LIPN: variants seen among roughly 807,000 people sequenced by gnomAD.
The protein encoded by LIPN is lipase family member N.
LIPN carries 32 observed loss-of-function variants against 43.7 expected under a neutral mutation model. That is an observed-to-expected ratio of 0.73 (90% CI 0.55 to 0.98). The LOEUF is 0.98. Ranked by LOEUF, LIPN falls within the 50% of genes least tolerant of loss-of-function variation. The probability of loss-of-function intolerance (pLI) is 0.00; values close to 1 mark genes in which losing one functional copy is unlikely to be tolerated. For synonymous variants in LIPN, 156 were observed against 157.6 expected (o/e 0.99, Z 0.08); for missense variants, 505 against 483.8 (o/e 1.04, Z -0.41).
intron 7 of LIPN, 33 bp from the exon 8 acceptor site, chr10:88,774,440 C>T: frequency 6.6e-7 from 1 of 1,506,872 alleles, no homozygotes; most frequent in South Asian, 1.2e-5. Context: ...TTTTGTTGGG[C>T]AATTGCTGTA....
chr10:88,766,330 G>A lies in LIPN; in HGVS notation c.487G>A (p.Gly163Ser), dbSNP rs755721438. ...AATAGACTTCATTGTAAATAAAACT[G>A]GTCAGGAGAAATTGTATTTCATTGG... ...GVIDFIVNKT[G>S]QEKLYFIGHS... The change falls in exon 5 of 10, where the codon GGT becomes AGT. Residue 163 changes from glycine to serine, a missense_variant. Transcript: ENST00000404459. 6.2e-7 allele frequency: 1 copy of A among 1,609,890 alleles called. No individual in the cohort carries two copies. Among genetic ancestry groups the A allele is most frequent in the Non-Finnish European group, 8.5e-7 (1 of 1,177,134 alleles).
upstream of LIPN, among the ~76,000 whole-genome samples, chr10:88,758,221 T>A (rs1224185626): frequency 6.6e-6 from 1 of 152,098 alleles, no homozygotes; most frequent in African/African-American, 2.4e-5. Context: ...CCATGTGTGT[T>A]CCACCATCTT....
At chr10:88,758,305 A>G (rs1842951390), upstream of LIPN, among the ~76,000 whole-genome samples, 1 of 151,720 alleles carries the variant, frequency 6.6e-6, no homozygotes, top group Non-Finnish European at 1.5e-5. Context: ...AGATTTCAAA[A>G]ATACCACAGG....
At chr10:88,764,698 T>TAAA (rs764283702) in intron 4 of LIPN, 90 bp downstream of exon 4, 27 of 905,286 alleles carry the variant, frequency 3.0e-5, no homozygotes, top group Non-Finnish European at 4.1e-5. Context: ...CTTTGACGCT[T>TAAA]GAAGTCATAT....
chr10:88,764,821 A>G (rs933403159), intron 4 of LIPN, among the ~76,000 whole-genome samples: 2 of 151,980 alleles, frequency 1.3e-5, no homozygotes, highest in Admixed American at 1.3e-4. Context: ...TCATTTTTAC[A>G]TCCAATTCTG....
intron 7 of LIPN, among the ~76,000 whole-genome samples, chr10:88,772,350 T>A (rs948400716): frequency 1.3e-5 from 2 of 151,896 alleles, no homozygotes; most frequent in Non-Finnish European, 2.9e-5. Flanking sequence ...CCCGGAGTGC[T>A]TCTGTAATGT....
In LIPN at chr10:88,762,311, A is replaced by G; in HGVS notation, c.226+6A>G. The G allele has an allele frequency of 6.5e-7, 1 of 1,549,658 alleles. No homozygotes were observed. Among genetic ancestry groups the G allele is most frequent in the Non-Finnish European group, 8.9e-7 (1 of 1,127,894 alleles). On this transcript the variant is annotated splice_donor_region_variant and intron_variant, in intron 3 of 9. Transcript: ENST00000404459. ...AACACATGCTAGGAGCACAGGTACA[A>G]GATATGTCTCTCCTGAAAAGGGGAC... is the stretch of plus-strand genomic sequence containing the variant.
intron 6 of LIPN, 107 bp from the exon 7 acceptor site, chr10:88,770,738 G>A: frequency 1.6e-6 from 1 of 616,590 alleles, no homozygotes; most frequent in Non-Finnish European, 2.7e-6. Context: ...CCTTGTTGTT[G>A]CTATTGAGTT....
In LIPN at chr10:88,768,882, C is replaced by A. The variant is rs201930269; in HGVS notation, c.626C>A (p.Thr209Lys). The change falls in exon 6 of 10, where the codon ACG becomes AAG. Residue 209 changes from threonine (T) to lysine (K), a missense_variant. Physicochemically the swap from Thr to Lys is moderately conservative, Grantham distance 78. Transcript: ENST00000404459. The part of the protein sequence containing the change: ...LGPTISFKYP[T>K]GIFTRFFLLP... ...CCTACGATCTCATTCAAATATCCCA[C>A]GGGCATTTTTACCAGGTTTTTTCTA... The A allele has an allele frequency of 1.9e-6, 3 of 1,611,152 alleles. No homozygotes were observed. In the South Asian group the frequency reaches 3.3e-5, roughly 18 times the overall value.
chr10:88,761,409 A>G lies in LIPN; in HGVS notation c.4A>G (p.Met2Val). Residue 2 changes from methionine (M) to valine (V), a missense_variant, in exon 2 of 10, where the codon ATG becomes GTG. Physicochemically the swap from Met to Val is conservative, Grantham distance 21. Coordinates refer to ENST00000404459, the MANE Select transcript of LIPN (RefSeq NM_001102469.2). M[M>V]WLLLTTTCLI... ...ATGTTTTATGCCAGGCATTTCTATGATGTGGCTGCTTTTAACAACAACTTG... is the reference window on the plus strand; with the variant it reads ...ATGTTTTATGCCAGGCATTTCTATGGTGTGGCTGCTTTTAACAACAACTTG... 6.2e-7 allele frequency: 1 copy of G among 1,603,312 alleles called. No individual in the cohort carries two copies. Among genetic ancestry groups the G allele is most frequent in the Non-Finnish European group, 8.5e-7 (1 of 1,170,746 alleles).
rs190783582 is a variant in LIPN, at chr10:88,772,595, T to G, written c.819+1604T>G. Among the ~76,000 whole-genome samples the G allele has an allele frequency of 2.7e-3, 411 of 152,122 alleles. 6 individuals are homozygous for G. Among genetic ancestry groups the G allele is most frequent in the African/African-American group, 9.6e-3 (398 of 41,544 alleles). On this transcript the variant is annotated intron_variant, in intron 7 of 9. Transcript: ENST00000404459. The stretch of plus-strand genomic sequence containing the variant: ...GTGGGTTTATTTGTGGGTTCTTTAT[T>G]CTGTTCCATTGGTCTATGTGTCTGT...
Position 88,768,837 on chromosome 10 carries a change from A to C in LIPN, c.581A>C (p.Lys194Thr). Residue 194 changes from lysine (K) to threonine (T), a missense_variant, in exon 6 of 10, where the codon AAA (lysine) becomes ACA (threonine). Physicochemically the swap from Lys to Thr is moderately conservative, Grantham distance 78 (BLOSUM62 -1). Coordinates refer to ENST00000404459, the MANE Select transcript of LIPN (RefSeq NM_001102469.2). ...STMPELAQRI[K>T]MNFALGPTIS... ...ATGCCTGAACTGGCACAAAGAATCA[A>C]AATGAATTTTGCCTTGGGTCCTACG... 1 of 1,611,636 alleles carries C rather than the reference A, an allele frequency of 6.2e-7. No individual in the cohort carries two copies. The highest frequency in any genetic ancestry group is 8.5e-7 in the Non-Finnish European group (1 of 1,178,534).
At chr10:88,769,870 C>A (rs751877661) in intron 6 of LIPN, among the ~76,000 whole-genome samples, 1 of 151,792 alleles carries the variant, frequency 6.6e-6, no homozygotes, top group East Asian at 1.9e-4. Flanking sequence ...TATTCAAGAG[C>A]TTTTCTAGTT....
chr10:88,775,259 C>T, intron 9 of LIPN, 96 bp downstream of exon 9: 2 of 668,402 alleles, frequency 3.0e-6, no homozygotes, highest in South Asian at 3.0e-5. Flanking sequence ...CATTTGGTGG[C>T]ATTTATACTG....
Position 88,761,378 on chromosome 10 carries a change from T to C in LIPN, c.-8-20T>C, listed in dbSNP as rs1428602476. ...TTGATAGTTAAAATTAATCTGTGAA[T>C]ATTAAATGTTTTATGCCAGGCATTT... On this transcript the variant is annotated intron_variant, in intron 1 of 9. Transcript: ENST00000404459. The C allele has an allele frequency of 7.7e-7, 1 of 1,305,020 alleles. No homozygotes were observed. The highest frequency in any genetic ancestry group is 1.1e-6 in the Non-Finnish European group (1 of 899,336). The allele number at this position is 1,305,020 out of a possible 1,614,324, so 80.8% of individuals were successfully genotyped here.
chr10:88,776,910 C>T (rs1427816017), intron 9 of LIPN, among the ~76,000 whole-genome samples: 1 of 152,046 alleles, frequency 6.6e-6, no homozygotes, highest in Non-Finnish European at 1.5e-5. Context: ...CTTCTCACTT[C>T]CCCTTCCTTC....
chr10:88,761,353 T>C, intron 1 of LIPN, 45 bp from the exon 2 acceptor site: 1 of 1,093,820 alleles, frequency 9.1e-7, no homozygotes, highest in Non-Finnish European at 1.4e-6. Flanking sequence ...TTAATCAACA[T>C]TGATAGTTAA....
intron 3 of LIPN, among the ~76,000 whole-genome samples, chr10:88,762,513 A>G (rs1364683074): frequency 6.6e-6 from 1 of 152,094 alleles, no homozygotes; most frequent in Non-Finnish European, 1.5e-5. Flanking sequence ...AGCAAGACTG[A>G]TCTTGCTAAC....
At chr10:88,764,823 C>T (rs562839690) in intron 4 of LIPN, among the ~76,000 whole-genome samples, 2 of 152,096 alleles carry the variant, frequency 1.3e-5, no homozygotes, top group Admixed American at 6.6e-5. Context: ...ATTTTTACAT[C>T]CAATTCTGTG....
Sources: allele counts gnomAD v4.1 joint callset (sites outside exome capture counted in the v4.1 genomes callset), GRCh38; gene constraint gnomAD v4.1.1; transcripts MANE v1.5; gene names NCBI Gene and HGNC (gene_info 2026-07-23, HGNC 2026-07-21).